MCTP2: variants seen among roughly 807,000 people sequenced by gnomAD.
MCTP2 encodes multiple C2 and transmembrane domain-containing protein 2.
In MCTP2, 132 loss-of-function variants were observed where a neutral mutation model predicts 111.6. The ratio of observed to expected loss-of-function variants is 1.18; its 90% CI spans 1.03 to 1.37. The LOEUF is 1.37. Ranked by LOEUF, MCTP2 falls within the 40% of genes most tolerant of loss-of-function variation. The pLI is 0.00. For synonymous variants in MCTP2, 395 were observed against 387.7 expected, an observed-to-expected ratio of 1.02 and a Z score of -0.22; for missense variants, 1,183 against 1,067.9, an observed-to-expected ratio of 1.11 and a Z score of -1.50.
intron 1 of MCTP2, among the ~76,000 whole-genome samples, chr15:94,294,139 T>G (rs1358218620): frequency 6.6e-6 from 1 of 152,114 alleles, no homozygotes; most frequent in Non-Finnish European, 1.5e-5. Flanking sequence ...GTGATTCCGT[T>G]TAGAAAACAT....
At chr15:94,287,278 G>A (rs1052325253) in intron 1 of MCTP2, among the ~76,000 whole-genome samples, 48 of 150,740 alleles carry the variant, frequency 3.2e-4, no homozygotes, top group Non-Finnish European at 1.0e-4. Context: ...ATGTTTATAT[G>A]TTTGTAATTC....
At position 94,480,411 on chromosome 15, in the gene MCTP2, C is replaced by T. The variant is rs905555532; in HGVS notation, c.*1377C>T. 1.3e-5 allele frequency: 2 copies of T among 151,920 alleles called. No individual in the cohort carries two copies. The highest frequency in any genetic ancestry group is 6.6e-5 in the Admixed American group (1 of 15,256). 9.4% of individuals were successfully genotyped at this position (151,920 alleles called of 1,614,324 possible). On this transcript the variant is annotated 3_prime_UTR_variant, in exon 23 of 23. Coordinates refer to ENST00000357742, the MANE Select transcript of MCTP2 (RefSeq NM_001385001.1). ...CCAAAGATTCTAAATCTTATCATCC[C>T]GTGTCTGTTTTTCTTCATGTTGTAT...
At chr15:94,305,014 T>C (rs534701531) in intron 2 of MCTP2, among the ~76,000 whole-genome samples, 1 of 152,316 alleles carries the variant, frequency 6.6e-6, no homozygotes, top group East Asian at 1.9e-4. Flanking sequence ...TTAGGTGACT[T>C]TGTATGTCTG....
At chr15:94,245,132 GTA>G (rs1233022211) in intron 1 of MCTP2, among the ~76,000 whole-genome samples, 1 of 147,746 alleles carries the variant, frequency 6.8e-6, no homozygotes, top group Non-Finnish European at 1.5e-5. Flanking sequence ...ATACACATGT[GTA>G]TATATTTATA....
chr15:94,463,465 A>T (rs2085335990), intron 20 of MCTP2, among the ~76,000 whole-genome samples: 1 of 152,190 alleles, frequency 6.6e-6, no homozygotes, highest in African/African-American at 2.4e-5. Context: ...ATAACCAGGT[A>T]AACTTAGTTA....
At chr15:94,443,639 T>C (rs2255356) in intron 19 of MCTP2, among the ~76,000 whole-genome samples, 12,976 of 152,058 alleles carry the variant, frequency 0.085, 602 homozygotes, top group East Asian at 0.16. Context: ...AAGTATCCAG[T>C]GTAAATGCCC....
intron 8 of MCTP2, among the ~76,000 whole-genome samples, chr15:94,349,806 C>T (rs1233864980): frequency 3.5e-5 from 4 of 115,312 alleles, no homozygotes; most frequent in East Asian, 2.5e-4. Context: ...GGCAACACAG[C>T]GGGACTCTGT....
chr15:94,428,831 C>T (rs937259806), intron 17 of MCTP2, among the ~76,000 whole-genome samples: 2 of 152,138 alleles, frequency 1.3e-5, no homozygotes, highest in Middle Eastern at 3.2e-3. Context: ...CCATTCCTCA[C>T]CAATAACTCA....
intron 4 of MCTP2, among the ~76,000 whole-genome samples, chr15:94,332,941 A>G (rs903202088): frequency 6.6e-6 from 1 of 152,320 alleles, no homozygotes; most frequent in Non-Finnish European, 1.5e-5. Flanking sequence ...AAATATATTT[A>G]TGGGCTGGGT....
chr15:94,259,357 TCTC>T (rs765502347), intron 1 of MCTP2, among the ~76,000 whole-genome samples: 21 of 152,298 alleles, frequency 1.4e-4, no homozygotes, highest in Non-Finnish European at 2.6e-4. Flanking sequence ...AAATTGATGT[TCTC>T]CTCCTATTTC....
chr15:94,286,154 G>A (rs2074743877), intron 1 of MCTP2, among the ~76,000 whole-genome samples: 1 of 152,100 alleles, frequency 6.6e-6, no homozygotes, highest in South Asian at 2.1e-4. Context: ...TTTTATGAAG[G>A]ATAATCTCCT....
At chr15:94,243,954 T>C (rs1001975880) in intron 1 of MCTP2, among the ~76,000 whole-genome samples, 4 of 145,554 alleles carry the variant, frequency 2.7e-5, no homozygotes, top group Admixed American at 2.7e-4. Context: ...TATATGTGTA[T>C]ATATTTACAC....
chr15:94,320,306 C>G (rs972229584), intron 4 of MCTP2, among the ~76,000 whole-genome samples: 3 of 152,034 alleles, frequency 2.0e-5, no homozygotes, highest in African/African-American at 7.2e-5. Flanking sequence ...CCACGCCCAG[C>G]TAATTTTTGT....
intron 7 of MCTP2, 127 bp from the exon 8 acceptor site, chr15:94,345,002 G>C: frequency 9.1e-7 from 1 of 1,099,892 alleles, no homozygotes; most frequent in South Asian, 1.4e-5. Context: ...TATAACCTCA[G>C]AACTTGGATA....
intron 8 of MCTP2, 155 bp from the exon 9 acceptor site, chr15:94,355,982 G>T (rs2078599494): frequency 7.7e-7 from 1 of 1,305,662 alleles, no homozygotes; most frequent in Non-Finnish European, 9.7e-7. Context: ...AACTGTGACA[G>T]CAGGTTTGCA....
chr15:94,483,765 A>G lies in MCTP2; in HGVS notation c.*4731A>G, dbSNP rs1294356744. 1 of 152,158 alleles carries G rather than the reference A, an allele frequency of 6.6e-6. No individual in the cohort carries two copies. Among genetic ancestry groups the G allele is most frequent in the Non-Finnish European group, 1.5e-5 (1 of 68,028 alleles). The allele number at this position is 152,158 out of a possible 1,614,324, so 9.4% of individuals were successfully genotyped here. ...AAATAATGAGTACCAGGCTTAATAC[A>G]TGGGCGATGAAATAATCTGTATGAC... On this transcript the variant is annotated 3_prime_UTR_variant, in exon 23 of 23. Transcript: ENST00000357742.
intron 7 of MCTP2, chr15:94,342,847 T>C (rs1002609523): frequency 2.6e-5 from 4 of 151,020 alleles, no homozygotes; most frequent in South Asian, 2.1e-4. Context: ...AGTTGATTTC[T>C]CCATGAAAAT....
intron 17 of MCTP2, among the ~76,000 whole-genome samples, chr15:94,437,107 T>G (rs2083516770): frequency 1.3e-5 from 2 of 150,330 alleles, no homozygotes; most frequent in Non-Finnish European, 3.0e-5. Flanking sequence ...TGGTTTGATT[T>G]TTTTCATTGA....
intron 17 of MCTP2, chr15:94,402,475 A>G (rs7180682): frequency 0.37 from 572,919 of 1,550,942 alleles, 110,898 homozygotes; most frequent in Non-Finnish European, 0.4. Context: ...ACACATTGCA[A>G]TTTCATTCAG....
Sources: gnomAD v4.1 joint callset for allele counts (sites outside exome capture counted in the v4.1 genomes callset) on GRCh38, gnomAD v4.1.1 for gene constraint, MANE v1.5 for transcripts, NCBI Gene and HGNC (gene_info 2026-07-23, HGNC 2026-07-21) for gene names.